The following CPA6 variants were observed in gnomAD, a reference collection of about 807,000 sequenced individuals.
CPA6 encodes the protein carboxypeptidase B.
A neutral mutation model predicts 63.3 loss-of-function variants in CPA6; 58 were observed. That is an observed-to-expected ratio of 0.92 (90% confidence interval 0.74 to 1.14). The LOEUF is 1.14. Among genes scored for constraint, CPA6 ranks in the 50% most tolerant of loss-of-function variants. The pLI is 0.00. For synonymous variants in CPA6, 185 were observed against 179.0 expected (o/e 1.03, Z -0.27); for missense variants, 565 against 526.6 (o/e 1.07, Z -0.71).
intron 8 of CPA6, 195 bp downstream of exon 8, chr8:67,483,573 T>C: frequency 3.4e-6 from 2 of 589,768 alleles, no homozygotes; most frequent in Non-Finnish European, 6.1e-6. Context: ...ATCCTTGATT[T>C]TTATATATTA....
At chr8:67,432,618 A>G (rs1165373524) in intron 9 of CPA6, among the ~76,000 whole-genome samples, 3 of 152,052 alleles carry the variant, frequency 2.0e-5, no homozygotes, top group Admixed American at 2.0e-4. Context: ...TGCCACCACC[A>G]CACCTGGCTA....
chr8:67,694,999 A>G (rs752204166), intron 1 of CPA6, among the ~76,000 whole-genome samples: 1 of 152,100 alleles, frequency 6.6e-6, no homozygotes, highest in Non-Finnish European at 1.5e-5. Flanking sequence ...GAGAAGAGAT[A>G]TGGGGATAGA....
intron 1 of CPA6, among the ~76,000 whole-genome samples, chr8:67,625,267 C>T (rs1815170898): frequency 6.6e-6 from 1 of 152,122 alleles, no homozygotes; most frequent in South Asian, 2.1e-4. Flanking sequence ...AAGAATCCAC[C>T]TGTGTTTATC....
intron 2 of CPA6, among the ~76,000 whole-genome samples, chr8:67,568,063 C>T (rs1035430837): frequency 6.6e-6 from 1 of 152,124 alleles, no homozygotes; most frequent in African/African-American, 2.4e-5. Context: ...GCAGCTCAGG[C>T]TTCTAGATAA....
chr8:67,595,870 C>A (rs555723581), intron 2 of CPA6, among the ~76,000 whole-genome samples: 5 of 152,196 alleles, frequency 3.3e-5, no homozygotes, highest in African/African-American at 1.2e-4. Context: ...CTTCGGCTGG[C>A]GCACAGTGTG....
chr8:67,459,444 T>A (rs1454268799), intron 8 of CPA6, among the ~76,000 whole-genome samples: 1 of 152,182 alleles, frequency 6.6e-6, no homozygotes, highest in Non-Finnish European at 1.5e-5. Flanking sequence ...TAAAAAGGAA[T>A]GAGCTATCGA....
intron 1 of CPA6, among the ~76,000 whole-genome samples, chr8:67,725,737 CTGGTCTCAAGCAATCT>C (rs1373822306): frequency 6.6e-6 from 1 of 152,128 alleles, no homozygotes; most frequent in African/African-American, 2.4e-5. Flanking sequence ...GTCACTCAGG[CTGGTCTCAAGCAATCT>C]TGGCCTCAAG....
chr8:67,572,848 C>T (rs573369002), intron 2 of CPA6, among the ~76,000 whole-genome samples: 88 of 152,300 alleles, frequency 5.8e-4, no homozygotes, highest in African/African-American at 2.1e-3. Flanking sequence ...AAACTACAGA[C>T]CAATATCTTT....
At chr8:67,720,848 C>A (rs978464818) in intron 1 of CPA6, among the ~76,000 whole-genome samples, 1 of 152,170 alleles carries the variant, frequency 6.6e-6, no homozygotes, top group Admixed American at 6.5e-5. Context: ...GCTGCCTCCA[C>A]TAGAGATGCA....
chr8:67,589,678 T>G (rs1814052790), intron 2 of CPA6, among the ~76,000 whole-genome samples: 1 of 152,130 alleles, frequency 6.6e-6, no homozygotes, highest in Non-Finnish European at 1.5e-5. Flanking sequence ...TCACATCAAA[T>G]CAAGTTTACA....
chr8:67,444,878 C>T (rs1248340681), intron 8 of CPA6, among the ~76,000 whole-genome samples: 1 of 151,974 alleles, frequency 6.6e-6, no homozygotes, highest in Admixed American at 6.6e-5. Flanking sequence ...CTCTGTCATT[C>T]ACACTAGGAA....
intron 1 of CPA6, among the ~76,000 whole-genome samples, chr8:67,664,530 C>T (rs984616153): frequency 1.3e-5 from 2 of 152,204 alleles, no homozygotes; most frequent in African/African-American, 4.8e-5. Context: ...TCTCCCACAC[C>T]TGGCTCATGA....
chr8:67,617,835 G>T (rs1465008801), intron 2 of CPA6, among the ~76,000 whole-genome samples: 5 of 152,130 alleles, frequency 3.3e-5, no homozygotes, highest in Admixed American at 2.6e-4. Context: ...TAGGACTGAG[G>T]CCCCCATTTT....
chr8:67,573,562 A>T (rs1181889700), intron 2 of CPA6, among the ~76,000 whole-genome samples: 1 of 151,788 alleles, frequency 6.6e-6, no homozygotes, highest in Admixed American at 6.6e-5. Flanking sequence ...AATTTAACAA[A>T]GAAAGTGAAA....
chr8:67,596,180 C>T (rs1814330230), intron 2 of CPA6, among the ~76,000 whole-genome samples: 1 of 152,210 alleles, frequency 6.6e-6, no homozygotes, highest in African/African-American at 2.4e-5. Flanking sequence ...TCCCGAGGAA[C>T]ACCCTTTAAC....
intron 8 of CPA6, among the ~76,000 whole-genome samples, chr8:67,445,217 G>T (rs1810384747): frequency 6.7e-6 from 1 of 149,296 alleles, no homozygotes. Flanking sequence ...ATAAGAGGCA[G>T]ATTTAAGATT....
At chr8:67,712,806 C>T (rs1202221625) in intron 1 of CPA6, among the ~76,000 whole-genome samples, 1 of 151,816 alleles carries the variant, frequency 6.6e-6, no homozygotes, top group Non-Finnish European at 1.5e-5. Flanking sequence ...TCATGCCATC[C>T]TGCTCTGTTG....
At chr8:67,679,773 C>G (rs1206659318) in intron 1 of CPA6, among the ~76,000 whole-genome samples, 2 of 152,182 alleles carry the variant, frequency 1.3e-5, no homozygotes, top group Admixed American at 1.3e-4. Context: ...AAATGCCTGT[C>G]TGCTATTTAG....
intron 6 of CPA6, among the ~76,000 whole-genome samples, chr8:67,496,943 C>T (rs566111886): frequency 2.6e-5 from 4 of 152,224 alleles, no homozygotes; most frequent in South Asian, 4.2e-4. Flanking sequence ...CTATAGGCAA[C>T]CACTAATCTA....
Sources: gnomAD v4.1 joint callset for allele counts (sites outside exome capture counted in the v4.1 genomes callset) on GRCh38, gnomAD v4.1.1 for gene constraint, MANE v1.5 for transcripts, NCBI Gene and HGNC (gene_info 2026-07-23, HGNC 2026-07-21) for gene names.